Variants in TMEM65 observed in about 807,000 individuals in gnomAD.
TMEM65 encodes transmembrane protein 65.
TMEM65 carries 22 observed loss-of-function variants against 25.4 expected under a neutral mutation model. The observed-to-expected ratio is 0.86, with a 90% confidence interval of 0.62 to 1.23. The LOEUF (loss-of-function observed/expected upper bound fraction) is 1.23. TMEM65 is among the 50% of genes most tolerant of loss of function. TMEM65 has a pLI of 0.00. For synonymous variants in TMEM65, 132 were observed against 126.2 expected (o/e 1.05, Z -0.31); for missense variants, 262 against 308.2 (o/e 0.85, Z 1.12).
chr8:124,334,735 G>A (rs1814483186), intron 1 of TMEM65, among the ~76,000 whole-genome samples: 2 of 132,050 alleles, frequency 1.5e-5, no homozygotes, highest in South Asian at 4.7e-4. Context: ...CTGCACTCCA[G>A]CCTGGGCGAC....
At chr8:124,331,285 T>C (rs1814428323) in intron 1 of TMEM65, among the ~76,000 whole-genome samples, 1 of 147,466 alleles carries the variant, frequency 6.8e-6, no homozygotes, top group African/African-American at 2.5e-5. Context: ...ATGAAAACAA[T>C]GACTTCACTG....
At chr8:124,357,330 C>T (rs926533062) in intron 1 of TMEM65, among the ~76,000 whole-genome samples, 1 of 152,056 alleles carries the variant, frequency 6.6e-6, no homozygotes, top group African/African-American at 2.4e-5. Flanking sequence ...CCCAGTAAAG[C>T]TGAAAATGAA....
chr8:124,325,235 C>A lies in TMEM65; in HGVS notation c.418-1860G>T, dbSNP rs1050764940. Reference sequence around the variant, plus strand: ...AAGAATCAACTATCTCCTCAACTTACTATCTTAAAACAGTCATAGCTGTCC... The same window carrying A: ...AAGAATCAACTATCTCCTCAACTTAATATCTTAAAACAGTCATAGCTGTCC... On this transcript the variant is annotated intron_variant, in intron 3 of 6. Transcript: ENST00000297632. Among the ~76,000 whole-genome samples, 16 of 152,042 alleles carry A rather than the reference C, an allele frequency of 1.1e-4. No homozygotes were observed. In the East Asian group the frequency reaches 2.9e-3, roughly 27 times the overall value.
chr8:124,352,119 T>C (rs1304554477), intron 1 of TMEM65, among the ~76,000 whole-genome samples: 1 of 152,148 alleles, frequency 6.6e-6, no homozygotes, highest in Non-Finnish European at 1.5e-5. Flanking sequence ...ACGATGTACA[T>C]ATGTTTCTAC....
Position 124,372,662 on chromosome 8 carries a change from A to AGCC in TMEM65, c.-508_-506dup, listed in dbSNP as rs57541664. The AGCC allele has an allele frequency of 0.39, 62,322 of 160,852 alleles. 12,385 individuals are homozygous for AGCC. Among genetic ancestry groups the AGCC allele is most frequent in the East Asian group, 0.53 (2,798 of 5,326 alleles). The allele number at this position is 160,852 out of a possible 1,614,324, so 10.0% of individuals were successfully genotyped here. A position where few individuals can be genotyped will look rare whatever the true frequency, so the allele number is the denominator to read the frequency against. Reference sequence around the variant, plus strand: ...CAAAGCAGCCGCGCTCCCGAGCCGCAGCCGCCGCCGCCGCCGCTACCCCTA... The same window carrying AGCC: ...CAAAGCAGCCGCGCTCCCGAGCCGCAGCCGCCGCCGCCGCCGCCGCTACCCCTA... On this transcript the variant is annotated 5_prime_UTR_variant, in exon 1 of 7. Transcript: ENST00000297632.
intron 1 of TMEM65, among the ~76,000 whole-genome samples, chr8:124,340,548 T>C (rs924412035): frequency 1.3e-5 from 2 of 152,138 alleles, no homozygotes; most frequent in Non-Finnish European, 2.9e-5. Flanking sequence ...TTAACACAGA[T>C]ACATGACTTT....
intron 1 of TMEM65, among the ~76,000 whole-genome samples, chr8:124,348,579 G>A (rs1814669849): frequency 6.6e-6 from 1 of 152,040 alleles, no homozygotes; most frequent in African/African-American, 2.4e-5. Flanking sequence ...GGATAATACT[G>A]TAGAGAAAAA....
At chr8:124,323,634 G>C (rs1335878364) in intron 3 of TMEM65, among the ~76,000 whole-genome samples, 4 of 151,800 alleles carry the variant, frequency 2.6e-5, no homozygotes, top group Admixed American at 1.3e-4. Context: ...TAGAAATATA[G>C]TTCATCATTA....
chr8:124,323,695 CT>C (rs1563590288), intron 3 of TMEM65, among the ~76,000 whole-genome samples: 1 of 151,844 alleles, frequency 6.6e-6, no homozygotes, highest in African/African-American at 2.4e-5. Flanking sequence ...CTTTAAAGCT[CT>C]TTGAAAACAA....
chr8:124,343,506 T>C (rs1411819154), intron 1 of TMEM65, among the ~76,000 whole-genome samples: 1 of 152,130 alleles, frequency 6.6e-6, no homozygotes, highest in Non-Finnish European at 1.5e-5. Flanking sequence ...CCTTGAATTC[T>C]GTTGGAAAAA....
chr8:124,342,329 C>T (rs1216352552), intron 1 of TMEM65, among the ~76,000 whole-genome samples: 1 of 152,070 alleles, frequency 6.6e-6, no homozygotes, highest in Non-Finnish European at 1.5e-5. Flanking sequence ...TAAGATCATA[C>T]CATTGGACTG....
intron 1 of TMEM65, among the ~76,000 whole-genome samples, chr8:124,348,540 A>AT (rs1455801682): frequency 6.6e-6 from 1 of 152,184 alleles, no homozygotes; most frequent in East Asian, 1.9e-4. Flanking sequence ...GTACTATATA[A>AT]TTTTTAGTTT....
intron 1 of TMEM65, among the ~76,000 whole-genome samples, chr8:124,336,589 G>A (rs1240176321): frequency 6.6e-6 from 1 of 151,572 alleles, no homozygotes; most frequent in African/African-American, 2.4e-5. Flanking sequence ...GGACCAAAGA[G>A]GAAATCAAAA....
Position 124,307,939 on chromosome 8 carries a change from G to A in TMEM65, c.*6021C>T, listed in dbSNP as rs981575301. 1 of 152,122 alleles carries A rather than the reference G, an allele frequency of 6.6e-6. No individual in the cohort carries two copies. Among genetic ancestry groups the A allele is most frequent in the African/African-American group, 2.4e-5 (1 of 41,418 alleles). The allele number at this position is 152,122 out of a possible 1,614,324, so 9.4% of individuals were successfully genotyped here. On this transcript the variant is annotated 3_prime_UTR_variant, in exon 7 of 7. Coordinates refer to ENST00000297632, the MANE Select transcript of TMEM65 (RefSeq NM_194291.3). Reference sequence around the variant, plus strand: ...AGAGAAGTGAGCACCAGGGTTTAAGGCAGAAAGGGACAGGCTAATGCTATG... The same window carrying A: ...AGAGAAGTGAGCACCAGGGTTTAAGACAGAAAGGGACAGGCTAATGCTATG...
chr8:124,372,656 A>C lies in TMEM65; in HGVS notation c.-499T>G, dbSNP rs999287188. On this transcript the variant is annotated 5_prime_UTR_variant, in exon 1 of 7. Transcript: ENST00000297632. ...AGCCCTCAAAGCAGCCGCGCTCCCG[A>C]GCCGCAGCCGCCGCCGCCGCCGCTA... is the stretch of plus-strand genomic sequence containing the variant. 7.2e-6 allele frequency: 1 copy of C among 139,178 alleles called. No individual in the cohort carries two copies. Among genetic ancestry groups the C allele is most frequent in the East Asian group, 2.4e-4 (1 of 4,096 alleles). 8.6% of individuals were successfully genotyped at this position (139,178 alleles called of 1,614,324 possible).
intron 6 of TMEM65, among the ~76,000 whole-genome samples, chr8:124,316,708 T>A (rs991790587): frequency 2.0e-5 from 3 of 152,192 alleles, no homozygotes; most frequent in South Asian, 4.1e-4. Context: ...ACAATTATTA[T>A]GCCCCAGGAA....
intron 1 of TMEM65, among the ~76,000 whole-genome samples, chr8:124,350,070 A>G (rs115607174): frequency 1.3e-5 from 2 of 151,986 alleles, no homozygotes; most frequent in Non-Finnish European, 2.9e-5. Flanking sequence ...TGGAGCTGGC[A>G]AAGTAAGAGT....
rs1388451518 is a variant in TMEM65, at chr8:124,308,318, A to C, written c.*5642T>G. 1.3e-5 allele frequency: 2 copies of C among 152,200 alleles called. No individual in the cohort carries two copies. Among genetic ancestry groups the C allele is most frequent in the Non-Finnish European group, 2.9e-5 (2 of 68,058 alleles). The allele number at this position is 152,200 out of a possible 1,614,324, so 9.4% of individuals were successfully genotyped here. ...TTAGTTTCTAGATCAGGGAGTCATAAGGACCTATAGGCTCATTACACACAG... is the reference window on the plus strand; with the variant it reads ...TTAGTTTCTAGATCAGGGAGTCATACGGACCTATAGGCTCATTACACACAG... On this transcript the variant is annotated 3_prime_UTR_variant, in exon 7 of 7. Transcript: ENST00000297632.
chr8:124,362,212 A>T lies in TMEM65; in HGVS notation c.304+9642T>A, dbSNP rs1035579449. On this transcript the variant is annotated intron_variant, in intron 1 of 6. Transcript: ENST00000297632. ...AGGCCAAGATATGTTTTTGATAAGG[A>T]AAGTTGTAAAAAGCATGAAAATGTG... Among the ~76,000 whole-genome samples, 67 of 152,094 alleles carry T rather than the reference A, an allele frequency of 4.4e-4. 1 individual carries two copies. Among genetic ancestry groups the T allele is most frequent in the African/African-American group, 1.6e-3 (66 of 41,406 alleles).
Sources: gnomAD v4.1 joint callset for allele counts (sites outside exome capture counted in the v4.1 genomes callset) on GRCh38, gnomAD v4.1.1 for gene constraint, MANE v1.5 for transcripts, NCBI Gene and HGNC (gene_info 2026-07-23, HGNC 2026-07-21) for gene names.